SPSB4: variants seen among roughly 807,000 people sequenced by gnomAD.
SPSB4 encodes splA/ryanodine receptor domain and SOCS box containing 4.
Under a neutral mutation model 20.9 loss-of-function variants are expected in SPSB4, and 21 were observed. That is an observed-to-expected ratio of 1.01 (90% CI 0.71 to 1.45). SPSB4 has a LOEUF of 1.45. SPSB4 is among the 40% of genes most tolerant of loss of function. The pLI is 0.00. For synonymous variants in SPSB4, 207 were observed against 183.8 expected (o/e 1.13, Z -1.02); for missense variants, 399 against 399.2 (o/e 1.00, Z 0.00).
intron 1 of SPSB4, among the ~76,000 whole-genome samples, chr3:141,061,962 T>C (rs1421372531): frequency 6.6e-6 from 1 of 152,226 alleles, no homozygotes; most frequent in Non-Finnish European, 1.5e-5. Context: ...CTTGAACTCT[T>C]GACCTCAAAT....
intron 2 of SPSB4, among the ~76,000 whole-genome samples, chr3:141,143,096 C>A (rs964141238): frequency 2.6e-5 from 4 of 152,030 alleles, no homozygotes; most frequent in East Asian, 3.9e-4. Context: ...GATTACAGGT[C>A]TGAGCCACCA....
rs980927659 is a variant in SPSB4, at chr3:141,137,943, G to A, written c.695-9199G>A. ...CCTCCTTGTACCTCTGGTAGAATTC[G>A]GCTGTGAATCCATCTGGTCCTGGAC... is the stretch of plus-strand genomic sequence containing the variant. On this transcript the variant is annotated intron_variant, in intron 2 of 2. Transcript: ENST00000310546. Among the ~76,000 whole-genome samples, 12 of 152,002 alleles carry A rather than the reference G, an allele frequency of 7.9e-5. No individual in the cohort carries two copies. In the East Asian group the frequency reaches 1.3e-3, roughly 17 times the overall value.
chr3:141,142,460 T>A (rs1939345815), intron 2 of SPSB4, among the ~76,000 whole-genome samples: 1 of 152,220 alleles, frequency 6.6e-6, no homozygotes, highest in Admixed American at 6.5e-5. Flanking sequence ...TTGTGGCCTA[T>A]CATGTTGTCT....
In SPSB4 at chr3:141,123,789, G is replaced by A. The variant is rs140631216; in HGVS notation, c.695-23353G>A. Among the ~76,000 whole-genome samples the A allele has an allele frequency of 1.5e-4, 23 of 152,348 alleles. No homozygotes were observed. In the East Asian group the frequency reaches 4.4e-3, roughly 29 times the overall value. ...TGCAGAGGTTGGGAAGATCCGTGGA[G>A]CAGGGTGCATGCCAACCCAGAGGCA... is the stretch of plus-strand genomic sequence containing the variant. On this transcript the variant is annotated intron_variant, in intron 2 of 2. Coordinates refer to ENST00000310546, the MANE Select transcript of SPSB4 (RefSeq NM_080862.3).
chr3:141,134,060 T>TC (rs1559856624), intron 2 of SPSB4, among the ~76,000 whole-genome samples: 2 of 142,324 alleles, frequency 1.4e-5, no homozygotes, highest in East Asian at 2.0e-4. Context: ...TTTTTTCTTT[T>TC]TTTTTTTTTT....
At chr3:141,082,923 C>A (rs948474421) in intron 2 of SPSB4, among the ~76,000 whole-genome samples, 2 of 146,520 alleles carry the variant, frequency 1.4e-5, no homozygotes, top group Non-Finnish European at 3.0e-5. Context: ...GCCATCCCTG[C>A]TTTCTTTGTT....
intron 2 of SPSB4, among the ~76,000 whole-genome samples, chr3:141,119,053 G>C (rs1171719960): frequency 6.6e-6 from 1 of 152,130 alleles, no homozygotes; most frequent in Non-Finnish European, 1.5e-5. Context: ...TGATGGGGAT[G>C]GCATTGAATC....
At chr3:141,064,991 C>T (rs1937836439) in intron 1 of SPSB4, among the ~76,000 whole-genome samples, 1 of 152,208 alleles carries the variant, frequency 6.6e-6, no homozygotes, top group South Asian at 2.1e-4. Flanking sequence ...GCCCAGAGAA[C>T]AGAGCCAGAG....
chr3:141,066,558 G>A lies in SPSB4; in HGVS notation c.454G>A (p.Asp152Asn), dbSNP rs764583801. 2.0e-6 allele frequency: 3 copies of A among 1,533,924 alleles called. No individual in the cohort carries two copies. The East Asian group carries it at 7.0e-5, about 36-fold the overall frequency. The change falls in exon 2 of 3, where the codon GAC (aspartate) becomes AAC (asparagine). Residue 152 changes from aspartate (D) to asparagine (N), a missense_variant. By Grantham distance (23) the Asp-to-Asn change is conservative. Transcript: ENST00000310546. ...WDLGRSRLYH[D>N]GKNQPGVAYP... ...CCTGGGCCGCAGCCGCCTCTACCACGACGGCAAGAACCAGCCCGGCGTGGC... is the reference window on the plus strand; with the variant it reads ...CCTGGGCCGCAGCCGCCTCTACCACAACGGCAAGAACCAGCCCGGCGTGGC...
intron 2 of SPSB4, among the ~76,000 whole-genome samples, chr3:141,142,106 T>C (rs1939340005): frequency 6.6e-6 from 1 of 152,256 alleles, no homozygotes; most frequent in Non-Finnish European, 1.5e-5. Context: ...TTGTTCTTGT[T>C]TCTCTAGTTC....
chr3:141,052,663 C>G (rs1353928726), intron 1 of SPSB4, among the ~76,000 whole-genome samples: 1 of 152,164 alleles, frequency 6.6e-6, no homozygotes, highest in Non-Finnish European at 1.5e-5. Flanking sequence ...GGCAGTGAGG[C>G]TGGTCGCCTG....
chr3:141,102,217 C>G (rs548915980), intron 2 of SPSB4, among the ~76,000 whole-genome samples: 7 of 152,168 alleles, frequency 4.6e-5, no homozygotes, highest in Non-Finnish European at 1.0e-4. Context: ...GGTGTAGTCA[C>G]TTAGTAACTG....
intron 2 of SPSB4, among the ~76,000 whole-genome samples, chr3:141,075,487 G>T (rs930101935): frequency 3.9e-5 from 6 of 152,104 alleles, no homozygotes; most frequent in African/African-American, 1.2e-4. Context: ...TGTAAAGTGG[G>T]CATAGTGATG....
intron 2 of SPSB4, among the ~76,000 whole-genome samples, chr3:141,109,701 G>A (rs1938762008): frequency 6.6e-6 from 1 of 151,602 alleles, no homozygotes; most frequent in Non-Finnish European, 1.5e-5. Context: ...TTACATCTCA[G>A]CAGCCTTGTA....
chr3:141,116,675 G>T (rs142091858), intron 2 of SPSB4, among the ~76,000 whole-genome samples: 42 of 152,332 alleles, frequency 2.8e-4, no homozygotes, highest in African/African-American at 9.6e-4. Context: ...TCATTGGGTT[G>T]TTATGAGGAT....
chr3:141,071,881 G>C (rs1281617724), intron 2 of SPSB4, among the ~76,000 whole-genome samples: 2 of 152,256 alleles, frequency 1.3e-5, no homozygotes, highest in Admixed American at 1.3e-4. Context: ...GCTGAGCAGA[G>C]GAGGCTGGCA....
intron 2 of SPSB4, among the ~76,000 whole-genome samples, chr3:141,112,576 C>T (rs1202952777): frequency 3.1e-5 from 4 of 130,636 alleles, no homozygotes; most frequent in African/African-American, 5.9e-5. Context: ...ACCCGGGAGG[C>T]GGAGCTTGCA....
intron 2 of SPSB4, among the ~76,000 whole-genome samples, chr3:141,116,170 G>T (rs1243286804): frequency 6.6e-6 from 1 of 152,220 alleles, no homozygotes; most frequent in African/African-American, 2.4e-5. Context: ...TGGTTGTGAG[G>T]AGCACAGCCC....
At chr3:141,061,791 A>T (rs1353889542) in intron 1 of SPSB4, among the ~76,000 whole-genome samples, 3 of 140,276 alleles carry the variant, frequency 2.1e-5, no homozygotes, top group East Asian at 4.1e-4. Context: ...GCTGGAGTGC[A>T]GTGGCACGAT....
Sources: allele counts gnomAD v4.1 joint callset (sites outside exome capture counted in the v4.1 genomes callset), GRCh38; gene constraint gnomAD v4.1.1; transcripts MANE v1.5; gene names NCBI Gene and HGNC (gene_info 2026-07-23, HGNC 2026-07-21).